GNPTAB: variants seen among roughly 807,000 people sequenced by gnomAD.
GNPTAB encodes the protein N-acetylglucosamine-1-phosphotransferase subunits alpha/beta.
GNPTAB carries 92 observed loss-of-function variants against 136.6 expected under a neutral mutation model. That is an observed-to-expected ratio of 0.67 (90% CI 0.57 to 0.80). GNPTAB has a LOEUF of 0.80. GNPTAB is among the 30% of genes least tolerant of loss of function. The pLI, the probability that GNPTAB is intolerant of heterozygous loss-of-function variation, is 0.00. For missense variants in GNPTAB, 1,343 were observed against 1,501.8 expected (o/e 0.89, Z 1.75); for synonymous variants, 512 against 535.1 (o/e 0.96, Z 0.60).
chr12:101,822,792 C>T (rs1026965617), intron 1 of GNPTAB, among the ~76,000 whole-genome samples: 1 of 152,140 alleles, frequency 6.6e-6, no homozygotes, highest in East Asian at 1.9e-4. Context: ...GAATTTTCAT[C>T]CAGGGGCAGG....
rs373662553 is a variant in GNPTAB at position 101,764,974 on chromosome 12, C to G, written c.1943G>C (p.Gly648Ala). The change falls in exon 13 of 21, where the codon GGT (glycine) becomes GCT (alanine). Residue 648 changes from glycine (G) to alanine (A), a missense_variant. Coordinates refer to ENST00000299314, the MANE Select transcript of GNPTAB (RefSeq NM_024312.5). ...GPKLNSTAQK[G>A]YENLVSPITL... ...TATGGGACTAACTAAATTTTCGTAA[C>G]CCTTCTGGGCTGTAGAATTCAGTTT... 2 of 1,614,058 alleles carry G rather than the reference C, an allele frequency of 1.2e-6. No individual in the cohort carries two copies. The highest frequency in any genetic ancestry group is 1.7e-6 in the Non-Finnish European group (2 of 1,179,994).
At chr12:101,760,270 T>C (rs1434404828) in intron 15 of GNPTAB, 127 bp from the exon 16 acceptor site, 12 of 681,692 alleles carry the variant, frequency 1.8e-5, no homozygotes, top group Admixed American at 4.5e-5. Context: ...AGTCTGACTA[T>C]ATGATTCTTA....
intron 7 of GNPTAB, among the ~76,000 whole-genome samples, chr12:101,771,358 C>T (rs1229023740): frequency 6.6e-6 from 1 of 152,094 alleles, no homozygotes; most frequent in Non-Finnish European, 1.5e-5. Flanking sequence ...ATTCTCCTGC[C>T]TCAGCCTCCT....
intron 7 of GNPTAB, among the ~76,000 whole-genome samples, chr12:101,776,946 G>T (rs1187707534): frequency 6.6e-6 from 1 of 152,238 alleles, no homozygotes; most frequent in South Asian, 2.1e-4. Flanking sequence ...GAAGTCCAAT[G>T]TCTAACAGCC....
At chr12:101,802,057 C>A (rs905490045) in intron 1 of GNPTAB, among the ~76,000 whole-genome samples, 1 of 151,228 alleles carries the variant, frequency 6.6e-6, no homozygotes, top group Non-Finnish European at 1.5e-5. Flanking sequence ...ATCAATTCGC[C>A]GGGCATGGTG....
In GNPTAB at chr12:101,801,231, CA is replaced by C. The variant is rs35036983; in HGVS notation, c.118-4470del. Among the ~76,000 whole-genome samples the C allele has an allele frequency of 8.2e-3, 105 of 12,746 alleles. 1 individual carries two copies. The highest frequency in any genetic ancestry group is 0.022 in the African/African-American group (70 of 3,128). 8.4% of individuals were successfully genotyped at this position (12,746 alleles called of 152,430 possible). A position where few individuals can be genotyped will look rare whatever the true frequency, so the allele number is the denominator to read the frequency against. On this transcript the variant is annotated intron_variant, in intron 1 of 20. Coordinates refer to ENST00000299314, the MANE Select transcript of GNPTAB (RefSeq NM_024312.5). ...TAGGTGACAGAACGAGACCCTGTCT[CA>C]AAAAAAAAAAAAAAAAAAAAAAAAA...
chr12:101,812,960 T>C (rs1036908451), intron 1 of GNPTAB, among the ~76,000 whole-genome samples: 1 of 151,314 alleles, frequency 6.6e-6, no homozygotes, highest in Non-Finnish European at 1.5e-5. Context: ...TGTGCCACCA[T>C]GCCCAGCTAA....
chr12:101,823,206 C>T (rs372433909), intron 1 of GNPTAB, among the ~76,000 whole-genome samples: 8 of 152,222 alleles, frequency 5.3e-5, no homozygotes, highest in South Asian at 2.1e-4. Context: ...GGCTTAGGAA[C>T]GGAAAAGTGC....
chr12:101,796,839 T>C, intron 1 of GNPTAB, 77 bp from the exon 2 acceptor site: 1 of 974,404 alleles, frequency 1.0e-6, no homozygotes, highest in Non-Finnish European at 1.6e-6. Flanking sequence ...TTTAATTTCA[T>C]TAGAATTGCT....
chr12:101,757,226 T>G lies in GNPTAB; in HGVS notation c.3420A>C (p.Ile1140=). The stretch of plus-strand genomic sequence containing the variant: ...AAAATCAGTACCTAGGGTTTTTTCT[T>G]ATGTCATCCAACTGGCCAACCACAT... ...VSHVVGQLDD[I]RKNPRKFVCL... The change falls in exon 18 of 21, where the codon ATA becomes ATC. Residue 1140 remains isoleucine (I), a synonymous_variant. Transcript: ENST00000299314. 1 of 1,583,286 alleles carries G rather than the reference T, an allele frequency of 6.3e-7. No individual in the cohort carries two copies. Among genetic ancestry groups the G allele is most frequent in the Non-Finnish European group, 8.7e-7 (1 of 1,152,720 alleles).
chr12:101,818,440 C>G (rs902526948), intron 1 of GNPTAB, among the ~76,000 whole-genome samples: 2 of 150,378 alleles, frequency 1.3e-5, no homozygotes, highest in Admixed American at 6.6e-5. Flanking sequence ...TCCAGTAGCA[C>G]GATCTCGGCT....
chr12:101,819,184 G>A (rs1455818966), intron 1 of GNPTAB, among the ~76,000 whole-genome samples: 1 of 151,952 alleles, frequency 6.6e-6, no homozygotes, highest in Non-Finnish European at 1.5e-5. Context: ...GCAAATTTTT[G>A]TATTTTTGGT....
chr12:101,775,915 G>T (rs1182659799), intron 7 of GNPTAB, among the ~76,000 whole-genome samples: 2 of 152,134 alleles, frequency 1.3e-5, no homozygotes, highest in Admixed American at 6.6e-5. Flanking sequence ...ACAATATGCT[G>T]TTCCCATCCT....
chr12:101,779,218 G>T (rs1953302983), intron 7 of GNPTAB: 1 of 152,168 alleles, frequency 6.6e-6, no homozygotes, highest in Admixed American at 6.5e-5. Context: ...AATCAGGTAA[G>T]CTAAACCCAG....
At chr12:101,785,123 C>T (rs552138088) in intron 5 of GNPTAB, among the ~76,000 whole-genome samples, 2 of 152,246 alleles carry the variant, frequency 1.3e-5, no homozygotes, top group Admixed American at 1.3e-4. Context: ...AGTGCCAGCA[C>T]GCTTGGGTTT....
chr12:101,800,939 C>T (rs1189514934), intron 1 of GNPTAB, among the ~76,000 whole-genome samples: 1 of 151,916 alleles, frequency 6.6e-6, no homozygotes, highest in Non-Finnish European at 1.5e-5. Flanking sequence ...TTAAGATAAA[C>T]AGTTAAGAAA....
chr12:101,771,020 T>A lies in GNPTAB; in HGVS notation c.909A>T (p.Leu303Phe), dbSNP rs571919952. ...CCTGGCTGATGGCGCTCAGATCCCATAATAAATATGCAGGACTTATGGTCA... is the reference window on the plus strand; with the variant it reads ...CCTGGCTGATGGCGCTCAGATCCCAAAATAAATATGCAGGACTTATGGTCA... ...KELTISPAYLLWDLSAISQSK... is the reference protein window; with the variant it reads ...KELTISPAYLFWDLSAISQSK... Residue 303 changes from leucine (L) to phenylalanine (F), a missense_variant, in exon 8 of 21, where the codon TTA becomes TTT. Leu to Phe is a conservative substitution (Grantham distance 22). Coordinates refer to ENST00000299314, the MANE Select transcript of GNPTAB (RefSeq NM_024312.5). 2 of 1,614,000 alleles carry A rather than the reference T, an allele frequency of 1.2e-6. No homozygotes were observed. Among genetic ancestry groups the A allele is most frequent in the African/African-American group, 1.3e-5 (1 of 74,932 alleles).
chr12:101,764,789 T>TCA lies in GNPTAB; in HGVS notation c.2126_2127dup (p.Ser710Ter). The TCA allele has an allele frequency of 6.2e-7, 1 of 1,614,212 alleles. No individual in the cohort carries two copies. Among genetic ancestry groups the TCA allele is most frequent in the Non-Finnish European group, 8.5e-7 (1 of 1,180,014 alleles). On this transcript the variant is annotated frameshift_variant, in exon 13 of 21. Coordinates refer to ENST00000299314, the MANE Select transcript of GNPTAB (RefSeq NM_024312.5). LOFTEE classifies it high-confidence loss of function. ...AGTTGCAAATCCAAGGTATTGAGAC[T>TCA]CAACTGGGCGTCTTTTGGAAGGAGT...
chr12:101,763,650 T>G (rs748360127), intron 13 of GNPTAB, among the ~76,000 whole-genome samples: 11 of 152,200 alleles, frequency 7.2e-5, no homozygotes, highest in East Asian at 1.9e-4. Context: ...TCCCTGAGTT[T>G]CCACATGAGC....
Sources: gnomAD v4.1 joint callset for allele counts (sites outside exome capture counted in the v4.1 genomes callset) on GRCh38, gnomAD v4.1.1 for gene constraint, MANE v1.5 for transcripts, NCBI Gene and HGNC (gene_info 2026-07-23, HGNC 2026-07-21) for gene names.